The following ZNF536 variants were observed in gnomAD, a reference collection of about 807,000 sequenced individuals.
ZNF536 encodes the protein zinc finger protein 536.
A neutral mutation model predicts 84.5 loss-of-function variants in ZNF536; 13 were observed. That is an observed-to-expected ratio of 0.15 (90% CI 0.10 to 0.24). The LOEUF is 0.24. Among genes scored for constraint, ZNF536 ranks in the 10% least tolerant of loss-of-function variants. ZNF536 has a pLI of 1.00. For missense variants in ZNF536, 1,536 were observed against 1,747.5 expected, an observed-to-expected ratio of 0.88 and a Z score of 2.16; for synonymous variants, 811 against 742.5, an observed-to-expected ratio of 1.09 and a Z score of -1.50.
At chr19:30,357,068 G>C (rs1286340971) in intron 3 of ZNF536, among the ~76,000 whole-genome samples, 1 of 152,250 alleles carries the variant, frequency 6.6e-6, no homozygotes, top group Non-Finnish European at 1.5e-5. Flanking sequence ...GGCGTTGAGG[G>C]TGGGGAGCAG....
At chr19:30,661,916 T>C (rs933656718) in intron 1 of ZNF536, among the ~76,000 whole-genome samples, 1 of 151,422 alleles carries the variant, frequency 6.6e-6, no homozygotes, top group African/African-American at 2.4e-5. Flanking sequence ...GTGGTTTTTT[T>C]CTAGATATGG....
In ZNF536 at chr19:30,401,570, G is replaced by A. The variant is rs1269188641; in HGVS notation, c.-3+29014G>A. Among the ~76,000 whole-genome samples the A allele has an allele frequency of 2.6e-5, 4 of 152,336 alleles. No individual in the cohort carries two copies. The East Asian group carries it at 7.7e-4, about 29-fold the overall frequency. On this transcript the variant is annotated intron_variant, in intron 1 of 4. Coordinates refer to ENST00000355537, the MANE Select transcript of ZNF536 (RefSeq NM_014717.3). ...GGGTCTCTTTTCATTTCTTTTCCTT[G>A]CTTACACATGTTCTCAGATTAAAGT...
At chr19:30,446,010 G>T (rs906853295) in intron 2 of ZNF536, among the ~76,000 whole-genome samples, 2 of 152,016 alleles carry the variant, frequency 1.3e-5, no homozygotes, top group African/African-American at 2.4e-5. Flanking sequence ...CACTTTGGGC[G>T]CCCGAGGCCG....
chr19:30,336,272 G>A (rs1043702361), intron 2 of ZNF536, among the ~76,000 whole-genome samples: 1 of 152,170 alleles, frequency 6.6e-6, no homozygotes, highest in African/African-American at 2.4e-5. Context: ...TTGCCCTCCA[G>A]GAAGGCAGAA....
At chr19:30,317,594 C>A (rs115859425) in intron 2 of ZNF536, among the ~76,000 whole-genome samples, 1 of 152,194 alleles carries the variant, frequency 6.6e-6, no homozygotes, top group East Asian at 1.9e-4. Context: ...CCAGCCCTCA[C>A]GGAGGTTGCT....
At chr19:30,686,339 A>T (rs1315097974) in intron 1 of ZNF536, among the ~76,000 whole-genome samples, 1 of 152,192 alleles carries the variant, frequency 6.6e-6, no homozygotes, top group Non-Finnish European at 1.5e-5. Context: ...TGAAAGAAAA[A>T]AAATGACTCC....
intron 1 of ZNF536, among the ~76,000 whole-genome samples, chr19:30,271,072 G>C (rs996714029): frequency 2.6e-5 from 4 of 152,238 alleles, no homozygotes; most frequent in Admixed American, 6.5e-5. Context: ...TGGGAGATAA[G>C]AGGGAAAGGA....
chr19:30,482,894 C>G (rs1005841511), intron 2 of ZNF536, among the ~76,000 whole-genome samples: 1 of 152,170 alleles, frequency 6.6e-6, no homozygotes, highest in African/African-American at 2.4e-5. Flanking sequence ...CTTCTAGTAT[C>G]AGCATCTCCA....
At chr19:30,347,107 CTTT>C (rs749712758) in intron 2 of ZNF536, among the ~76,000 whole-genome samples, 1 of 73,800 alleles carries the variant, frequency 1.4e-5, no homozygotes, top group Non-Finnish European at 2.3e-5. Flanking sequence ...TGTTGAAGGG[CTTT>C]TTTTTTTTTT....
chr19:30,592,213 G>C (rs1226125325), intron 1 of ZNF536, among the ~76,000 whole-genome samples: 1 of 152,060 alleles, frequency 6.6e-6, no homozygotes, highest in African/African-American at 2.4e-5. Flanking sequence ...ATCCATTTTG[G>C]GATAAATTAT....
chr19:30,687,562 A>G (rs905826325), intron 1 of ZNF536, among the ~76,000 whole-genome samples: 1 of 152,222 alleles, frequency 6.6e-6, no homozygotes, highest in Non-Finnish European at 1.5e-5. Context: ...ATAAATAATC[A>G]CTATCAGTGT....
chr19:30,225,824 C>T (rs1471280220), upstream of ZNF536, among the ~76,000 whole-genome samples: 2 of 151,212 alleles, frequency 1.3e-5, no homozygotes, highest in African/African-American at 4.8e-5. Context: ...CGTCCCCTCC[C>T]CCTCCCCATC....
At chr19:30,600,644 G>A (rs928473767) in intron 1 of ZNF536, among the ~76,000 whole-genome samples, 4 of 152,336 alleles carry the variant, frequency 2.6e-5, no homozygotes, top group South Asian at 2.1e-4. Context: ...GCAAACTGGC[G>A]CCCCGGAGGA....
intron 2 of ZNF536, among the ~76,000 whole-genome samples, chr19:30,482,909 G>T (rs76551953): frequency 6.6e-6 from 1 of 152,074 alleles, no homozygotes; most frequent in Non-Finnish European, 1.5e-5. Flanking sequence ...TCTCCATAGC[G>T]CCCTCCTCTG....
intron 1 of ZNF536, among the ~76,000 whole-genome samples, chr19:30,599,121 C>G (rs572444061): frequency 3.0e-4 from 38 of 125,070 alleles, no homozygotes; most frequent in African/African-American, 1.1e-3. Context: ...CTCCCTCCCT[C>G]TCTCCCTTCC....
chr19:30,410,633 C>G (rs3926421), intron 1 of ZNF536, among the ~76,000 whole-genome samples: 41,106 of 149,962 alleles, frequency 0.27, 5,267 homozygotes, highest in East Asian at 0.46. Flanking sequence ...CGCCACCACG[C>G]CCGGCTAATT....
At chr19:30,315,319 G>C (rs1342551095) in intron 2 of ZNF536, among the ~76,000 whole-genome samples, 1 of 152,212 alleles carries the variant, frequency 6.6e-6, no homozygotes. Flanking sequence ...AGGAGTTATT[G>C]AGAGTAGGGA....
chr19:30,530,498 C>T (rs981512267), intron 2 of ZNF536, among the ~76,000 whole-genome samples: 2 of 152,134 alleles, frequency 1.3e-5, no homozygotes, highest in Non-Finnish European at 2.9e-5. Context: ...AGGCACGCAC[C>T]ATCATGCCTG....
chr19:30,707,484 T>C (rs529013356), intron 1 of ZNF536, among the ~76,000 whole-genome samples: 14 of 152,276 alleles, frequency 9.2e-5, no homozygotes, highest in African/African-American at 3.1e-4. Context: ...GGACTCCTTC[T>C]CTTACCTGGC....
Sources: gnomAD v4.1 joint callset for allele counts (sites outside exome capture counted in the v4.1 genomes callset) on GRCh38, gnomAD v4.1.1 for gene constraint, MANE v1.5 for transcripts, NCBI Gene and HGNC (gene_info 2026-07-23, HGNC 2026-07-21) for gene names.